Variants in TRPS1 observed in about 807,000 individuals in gnomAD.
TRPS1 encodes zinc finger transcription factor Trps1.
A neutral mutation model predicts 101.2 loss-of-function variants in TRPS1; 6 were observed. The ratio of observed to expected loss-of-function variants is 0.06; its 90% CI spans 0.03 to 0.12. The LOEUF (loss-of-function observed/expected upper bound fraction) is 0.12, where lower values mean the gene tolerates loss of function less well. Among genes scored for constraint, TRPS1 ranks in the 10% least tolerant of loss-of-function variants. The pLI, the probability that TRPS1 is intolerant of heterozygous loss-of-function variation, is 1.00. For synonymous variants in TRPS1, 578 were observed against 589.8 expected, an observed-to-expected ratio of 0.98 and a Z score of 0.29; for missense variants, 1,363 against 1,567.0, an observed-to-expected ratio of 0.87 and a Z score of 2.20.
At chr8:115,618,084 A>G (rs2737217) in intron 3 of TRPS1, among the ~76,000 whole-genome samples, 106,736 of 152,042 alleles carry the variant, frequency 0.7, 39,112 homozygotes, top group African/African-American at 0.91. Flanking sequence ...GAGGTCTGAG[A>G]CAAATGAGCT....
chr8:115,639,289 G>C (rs1441969878), intron 1 of TRPS1, among the ~76,000 whole-genome samples: 1 of 152,008 alleles, frequency 6.6e-6, no homozygotes, highest in Non-Finnish European at 1.5e-5. Context: ...GGCTGGTCTC[G>C]AACTCCAAGG....
intron 5 of TRPS1, among the ~76,000 whole-genome samples, chr8:115,569,608 C>A (rs1456191320): frequency 6.6e-6 from 1 of 152,044 alleles, no homozygotes; most frequent in East Asian, 1.9e-4. Context: ...TAATAATCTA[C>A]TAGTATCTTT....
chr8:115,597,026 T>C (rs778713783), intron 4 of TRPS1, among the ~76,000 whole-genome samples: 2 of 151,924 alleles, frequency 1.3e-5, no homozygotes, highest in Non-Finnish European at 2.9e-5. Flanking sequence ...ACAAATAAAT[T>C]AATCTTTTTT....
At chr8:115,484,048 G>C (rs1035729568) in intron 5 of TRPS1, among the ~76,000 whole-genome samples, 2 of 152,008 alleles carry the variant, frequency 1.3e-5, no homozygotes, top group Admixed American at 1.3e-4. Flanking sequence ...TAATTCTGGA[G>C]AAAAATATAA....
intron 1 of TRPS1, among the ~76,000 whole-genome samples, chr8:115,640,017 T>C (rs1157513330): frequency 6.6e-6 from 1 of 152,200 alleles, no homozygotes; most frequent in Non-Finnish European, 1.5e-5. Flanking sequence ...ATAGTAAATG[T>C]ACAGTATGTT....
intron 5 of TRPS1, among the ~76,000 whole-genome samples, chr8:115,579,671 C>G (rs1817398973): frequency 6.6e-6 from 1 of 151,928 alleles, no homozygotes; most frequent in Non-Finnish European, 1.5e-5. Flanking sequence ...AAATAGATAT[C>G]TATAGTGTAT....
In TRPS1 at chr8:115,619,288, A is replaced by T; in HGVS notation, c.810T>A (p.Asp270Glu). ...HLGLHNRTRQ[D>E]AELDSKILAL... ...CCAAGATTTTGCTGTCCAGCTCAGCATCTTGCCTGGTGCGGTTATGCAGTC... is the reference window on the plus strand; with the variant it reads ...CCAAGATTTTGCTGTCCAGCTCAGCTTCTTGCCTGGTGCGGTTATGCAGTC... The change falls in exon 3 of 7, where the codon GAT becomes GAA. Residue 270 changes from aspartate (D) to glutamate (E), a missense_variant. By Grantham distance (45) the Asp-to-Glu change is conservative (BLOSUM62 2). Around this residue, in one of 5 missense-constraint regions of TRPS1, gnomAD observed 1,020 missense variants for 1,073.0 expected, o/e 0.95. Transcript: ENST00000395715. 1 of 1,614,106 alleles carries T rather than the reference A, an allele frequency of 6.2e-7. No individual in the cohort carries two copies. Among genetic ancestry groups the T allele is most frequent in the Non-Finnish European group, 8.5e-7 (1 of 1,179,934 alleles).
intron 5 of TRPS1, among the ~76,000 whole-genome samples, chr8:115,534,935 G>A (rs1380097587): frequency 6.6e-6 from 1 of 151,388 alleles, no homozygotes; most frequent in East Asian, 1.9e-4. Context: ...TTAGGTTGGA[G>A]AAGGTGAAGA....
intron 4 of TRPS1, 151 bp from the exon 5 acceptor site, chr8:115,587,755 G>A (rs559285077): frequency 7.5e-7 from 1 of 1,338,014 alleles, no homozygotes; most frequent in African/African-American, 1.5e-5. Context: ...AAACTGGAAT[G>A]TAATTAACAG....
At chr8:115,655,043 C>T (rs146022152) in intron 1 of TRPS1, among the ~76,000 whole-genome samples, 23 of 152,116 alleles carry the variant, frequency 1.5e-4, no homozygotes, top group Non-Finnish European at 1.6e-4. Flanking sequence ...GGATGGTGAA[C>T]GGACCCAAGT....
chr8:115,561,646 C>T (rs1217847316), intron 5 of TRPS1, among the ~76,000 whole-genome samples: 2 of 151,946 alleles, frequency 1.3e-5, no homozygotes, highest in African/African-American at 4.8e-5. Context: ...ACAGGAGGAA[C>T]GATAACCTGA....
intron 3 of TRPS1, among the ~76,000 whole-genome samples, chr8:115,615,615 G>T (rs1372524746): frequency 6.6e-6 from 1 of 152,080 alleles, no homozygotes; most frequent in Non-Finnish European, 1.5e-5. Flanking sequence ...AAAAAAATTA[G>T]CTGGGCGTGG....
At chr8:115,549,019 G>C (rs772248272) in intron 5 of TRPS1, among the ~76,000 whole-genome samples, 4 of 152,158 alleles carry the variant, frequency 2.6e-5, no homozygotes, top group African/African-American at 9.7e-5. Flanking sequence ...TAATAGTACC[G>C]TAAAAATTGG....
intron 5 of TRPS1, among the ~76,000 whole-genome samples, chr8:115,424,157 A>T (rs800895): frequency 2.0e-5 from 3 of 152,092 alleles, no homozygotes; most frequent in Non-Finnish European, 2.9e-5. Flanking sequence ...ATATTTACTC[A>T]CATTTTTTAT....
intron 5 of TRPS1, among the ~76,000 whole-genome samples, chr8:115,442,970 C>A (rs1294854815): frequency 6.6e-6 from 1 of 152,122 alleles, no homozygotes; most frequent in Non-Finnish European, 1.5e-5. Flanking sequence ...GTGGCGGGCG[C>A]CTGTAGTCCC....
chr8:115,602,701 T>A (rs1028530827), intron 4 of TRPS1, among the ~76,000 whole-genome samples: 11 of 152,204 alleles, frequency 7.2e-5, no homozygotes, highest in African/African-American at 2.7e-4. Flanking sequence ...CTGTTTAATA[T>A]CATGGGATGT....
intron 3 of TRPS1, among the ~76,000 whole-genome samples, chr8:115,610,334 C>T (rs1360114402): frequency 1.3e-5 from 2 of 152,144 alleles, no homozygotes; most frequent in Non-Finnish European, 2.9e-5. Context: ...AAAATAACTA[C>T]AGCCAGAATT....
intron 5 of TRPS1, among the ~76,000 whole-genome samples, chr8:115,426,608 A>G (rs1198430387): frequency 6.6e-6 from 1 of 152,190 alleles, no homozygotes; most frequent in Non-Finnish European, 1.5e-5. Flanking sequence ...AGCTATATAC[A>G]ATTCAGTGGT....
chr8:115,526,179 C>T (rs1461491427), intron 5 of TRPS1, among the ~76,000 whole-genome samples: 1 of 151,952 alleles, frequency 6.6e-6, no homozygotes, highest in Admixed American at 6.6e-5. Context: ...TGTGGTAGTG[C>T]GTGCCTGTAA....
Sources: allele counts gnomAD v4.1 joint callset (sites outside exome capture counted in the v4.1 genomes callset), GRCh38; gene constraint gnomAD v4.1.1; regional missense constraint gnomAD v4.1.1; transcripts MANE v1.5; gene names NCBI Gene and HGNC (gene_info 2026-07-23, HGNC 2026-07-21).